Variants in MSANTD7 observed in about 807,000 individuals in gnomAD.
MSANTD7 encodes zinc finger and SCAN domain containing 29.
chr10:14,838,577 T>C, the MSANTD7 span: 1 of 1,015,922 alleles, frequency 9.8e-7, no homozygotes, highest in Non-Finnish European at 1.4e-6. Flanking sequence ...TGGAGTGGCG[T>C]TGCCGCGAGG....
chr10:14,844,065 C>G, the MSANTD7 span: 8 of 1,431,840 alleles, frequency 5.6e-6, no homozygotes, highest in Non-Finnish European at 6.4e-6. Flanking sequence ...GATTCTCCAC[C>G]AAATGGAAGA....
the MSANTD7 span, chr10:14,844,997 G>A: frequency 1.0e-6 from 1 of 985,400 alleles, no homozygotes; most frequent in African/African-American, 1.7e-5. Context: ...AATGGCATCT[G>A]GTGGAAGAGA....
chr10:14,844,436 T>C, the MSANTD7 span: 1 of 992,490 alleles, frequency 1.0e-6, no homozygotes, highest in Non-Finnish European at 1.2e-6. Context: ...ACTTGACTGC[T>C]TCATGGAGTT....
At chr10:14,843,282 T>C in the MSANTD7 span, 1 of 1,485,806 alleles carries the variant, frequency 6.7e-7, no homozygotes, top group African/African-American at 1.4e-5. Flanking sequence ...ACAACCATAG[T>C]TTTATAATTT....
At chr10:14,838,456 T>G in the MSANTD7 span, 1 of 1,604,526 alleles carries the variant, frequency 6.2e-7, no homozygotes. Flanking sequence ...TGGCCGTCTA[T>G]AAGGTGAGGG....
At chr10:14,842,631 C>T in the MSANTD7 span, 3 of 1,536,192 alleles carry the variant, frequency 2.0e-6, no homozygotes, top group Non-Finnish European at 2.6e-6. The surrounding 1 kb of genome is among the most constrained non-coding windows in gnomAD (Gnocchi z 5.2). Context: ...GAGGATGCTG[C>T]TTGGGCCAAG....
the MSANTD7 span, chr10:14,842,906 C>T: frequency 1.2e-5 from 14 of 1,204,460 alleles, no homozygotes; most frequent in Non-Finnish European, 1.5e-5. This position sits in a 1 kb window ranked among gnomAD's most constrained non-coding sequence, Gnocchi z 5.2. Context: ...AAACATTTAG[C>T]TGTGTCTGTT....
At chr10:14,842,807 A>C in the MSANTD7 span, 425 of 1,535,576 alleles carry the variant, frequency 2.8e-4, 5 homozygotes, top group South Asian at 4.8e-3. The surrounding 1 kb of genome is among the most constrained non-coding windows in gnomAD (Gnocchi z 5.2). Flanking sequence ...ACGAGAAACC[A>C]GTGACCTTGA....
At chr10:14,843,906 A>G in the MSANTD7 span, 1 of 1,536,020 alleles carries the variant, frequency 6.5e-7, no homozygotes, top group Admixed American at 2.0e-5. Flanking sequence ...AACCAATTAC[A>G]AAAGGCTCTG....
At chr10:14,846,143 T>C in the MSANTD7 span, 2 of 984,450 alleles carry the variant, frequency 2.0e-6, no homozygotes, top group Non-Finnish European at 2.4e-6. Flanking sequence ...AAAGAGCATA[T>C]ATTTAAGGCA....
the MSANTD7 span, chr10:14,844,165 A>G: frequency 4.7e-6 from 6 of 1,278,568 alleles, no homozygotes; most frequent in South Asian, 9.6e-5. Flanking sequence ...ACAGATGTGA[A>G]GCAGTTTACC....
chr10:14,839,830 A>G, the MSANTD7 span: 1 of 1,060,748 alleles, frequency 9.4e-7, no homozygotes, highest in South Asian at 1.6e-5. Flanking sequence ...ACAGATGGCA[A>G]AGTAACACTG....
chr10:14,846,087 C>T, the MSANTD7 span: 2 of 982,300 alleles, frequency 2.0e-6, no homozygotes, highest in Non-Finnish European at 2.4e-6. Context: ...TTAATATGCT[C>T]ATGAACTTCT....
At chr10:14,843,042 G>A in the MSANTD7 span, among the ~76,000 whole-genome samples, 1 of 152,174 alleles carries the variant, frequency 6.6e-6, no homozygotes, top group African/African-American at 2.4e-5. Flanking sequence ...GCAACATAAG[G>A]TATTAGAACC....
At chr10:14,838,432 C>T in the MSANTD7 span, 1 of 1,606,552 alleles carries the variant, frequency 6.2e-7, no homozygotes, top group Non-Finnish European at 8.5e-7. Context: ...ACCTGGGCTG[C>T]ACCTCAGCCT....
chr10:14,844,161 G>C, the MSANTD7 span: 1 of 1,286,108 alleles, frequency 7.8e-7, no homozygotes. Flanking sequence ...TGTCACAGAT[G>C]TGAAGCAGTT....
At chr10:14,846,542 G>C in the MSANTD7 span, 3 of 985,220 alleles carry the variant, frequency 3.0e-6, no homozygotes, top group South Asian at 9.4e-5. Flanking sequence ...AGCAAGCCAG[G>C]AATCTGCCTA....
chr10:14,844,945 A>T, the MSANTD7 span: 2 of 985,450 alleles, frequency 2.0e-6, no homozygotes, highest in Non-Finnish European at 2.4e-6. Flanking sequence ...GCTTTCCAAG[A>T]TTCCTTTTCC....
the MSANTD7 span, chr10:14,846,915 G>A: frequency 2.0e-6 from 2 of 985,422 alleles, no homozygotes; most frequent in South Asian, 9.4e-5. Context: ...TGTAAATAAG[G>A]TGCTATGTAT....
Sources: allele counts gnomAD v4.1 joint callset (sites outside exome capture counted in the v4.1 genomes callset), GRCh38; gene constraint gnomAD v4.1.1; non-coding constraint Gnocchi (gnomAD v3.1); transcripts MANE v1.5; gene names NCBI Gene and HGNC (gene_info 2026-07-23, HGNC 2026-07-21).